Variants in MYT1L observed in about 807,000 individuals in gnomAD.
The protein encoded by MYT1L is myelin transcription factor 1-like protein.
Under a neutral mutation model 126.7 loss-of-function variants are expected in MYT1L, and 12 were observed. The ratio of observed to expected loss-of-function variants is 0.09; its 90% confidence interval spans 0.06 to 0.15. MYT1L has a LOEUF of 0.15. MYT1L is among the 10% of genes least tolerant of loss of function. The pLI is 1.00. For missense variants in MYT1L, 979 were observed against 1,585.2 expected (o/e 0.62, Z 6.49); for synonymous variants, 541 against 604.2 (o/e 0.90, Z 1.53).
chr2:1,962,357 A>G (rs2149390844), intron 8 of MYT1L, among the ~76,000 whole-genome samples: 1 of 152,342 alleles, frequency 6.6e-6, no homozygotes, highest in African/African-American at 2.4e-5. Context: ...AAATCAAAGT[A>G]TATACCTTAA....
intron 14 of MYT1L, among the ~76,000 whole-genome samples, chr2:1,898,649 T>C (rs1482728482): frequency 6.6e-6 from 1 of 151,794 alleles, no homozygotes; most frequent in African/African-American, 2.4e-5. Context: ...ACCCAAGAGG[T>C]GACACAGCCA....
intron 3 of MYT1L, among the ~76,000 whole-genome samples, chr2:2,054,797 G>C (rs72767355): frequency 1.3e-5 from 2 of 152,036 alleles, no homozygotes; most frequent in Non-Finnish European, 2.9e-5. Flanking sequence ...AGACACAAGA[G>C]ATGATGAGAC....
intron 3 of MYT1L, among the ~76,000 whole-genome samples, chr2:2,055,359 TATTA>T (rs1393145224): frequency 6.6e-6 from 1 of 152,240 alleles, no homozygotes; most frequent in Non-Finnish European, 1.5e-5. Context: ...AAGAGCATGT[TATTA>T]ATTAAAAAGC....
intron 2 of MYT1L, among the ~76,000 whole-genome samples, chr2:2,254,251 C>A (rs534212290): frequency 6.6e-6 from 1 of 152,260 alleles, no homozygotes; most frequent in East Asian, 1.9e-4. Flanking sequence ...TCAATTAATG[C>A]CGTTCATGGG....
chr2:2,168,357 C>T (rs2089499086), intron 3 of MYT1L, among the ~76,000 whole-genome samples: 2 of 152,210 alleles, frequency 1.3e-5, no homozygotes, highest in Non-Finnish European at 2.9e-5. Flanking sequence ...AAAAGTAATT[C>T]TTTCTGCTAC....
chr2:2,156,004 T>C (rs368932919), intron 3 of MYT1L, among the ~76,000 whole-genome samples: 21 of 152,298 alleles, frequency 1.4e-4, no homozygotes, highest in African/African-American at 4.6e-4. Context: ...TAGTGACCCA[T>C]AGTGACAAAA....
At chr2:1,869,667 C>A (rs577648293) in intron 18 of MYT1L, among the ~76,000 whole-genome samples, 1 of 152,194 alleles carries the variant, frequency 6.6e-6, no homozygotes, top group Non-Finnish European at 1.5e-5. Context: ...TGATTACCTA[C>A]GGTTTGCCAG....
At chr2:2,236,796 C>T (rs1015979742) in intron 2 of MYT1L, among the ~76,000 whole-genome samples, 1 of 16,408 alleles carries the variant, frequency 6.1e-5, no homozygotes, top group Non-Finnish European at 9.4e-5. Flanking sequence ...TCTTCTTCTT[C>T]TTCTTCTTCT....
chr2:2,159,794 T>C (rs563636042), intron 3 of MYT1L, among the ~76,000 whole-genome samples: 23 of 152,244 alleles, frequency 1.5e-4, no homozygotes, highest in Non-Finnish European at 2.8e-4. Flanking sequence ...CCTTGCCTAG[T>C]ACCTTTGCAT....
rs755512786 is a variant in MYT1L at position 1,912,142 on chromosome 2, T to G, written c.1619-32A>C. ...AGGGAGAGGCAAAGAGAACAGCCAG[T>G]GTTAAAACAGAGGCACGGTTAGGGC... On this transcript the variant is annotated intron_variant, in intron 11 of 24. Transcript: ENST00000647738. The surrounding 1 kb of genome is among the most constrained non-coding windows in gnomAD (Gnocchi z 4.3). The G allele has an allele frequency of 2.0e-6, 3 of 1,495,120 alleles. No individual in the cohort carries two copies. The Admixed American group carries it at 5.5e-5, about 27-fold the overall frequency. The allele number at this position is 1,495,120 out of a possible 1,614,324, so 92.6% of individuals were successfully genotyped here. A position where few individuals can be genotyped will look rare whatever the true frequency, so the allele number is the denominator to read the frequency against.
chr2:2,005,309 T>G (rs1259762084), intron 4 of MYT1L, among the ~76,000 whole-genome samples: 2 of 144,998 alleles, frequency 1.4e-5, no homozygotes, highest in Non-Finnish European at 1.5e-5. Context: ...CTTTCCTGCG[T>G]GCCTTCTTTC....
intron 8 of MYT1L, among the ~76,000 whole-genome samples, chr2:1,961,221 G>A (rs77467923): frequency 0.05 from 7,549 of 152,238 alleles, 569 homozygotes; most frequent in African/African-American, 0.17. Flanking sequence ...TGTACAGTAC[G>A]CAGGTGACGG....
rs1307020797 is a variant in MYT1L, at chr2:1,862,877, A to G, written c.2712-11174T>C. ...GGGAAAATCAAGAAGGAGAGAGGTG[A>G]GTAGGGAAGATGGGAGAAGAAGGAG... On this transcript the variant is annotated intron_variant, in intron 18 of 24. Transcript: ENST00000647738. Among the ~76,000 whole-genome samples, 3 of 152,146 alleles carry G rather than the reference A, an allele frequency of 2.0e-5. No individual in the cohort carries two copies. The East Asian group carries it at 5.8e-4, about 29-fold the overall frequency.
intron 4 of MYT1L, among the ~76,000 whole-genome samples, chr2:2,018,334 G>T (rs1419643021): frequency 6.6e-6 from 1 of 152,150 alleles, no homozygotes; most frequent in Non-Finnish European, 1.5e-5. Flanking sequence ...GGTCGAGTTT[G>T]GTGCATCCCA....
At chr2:1,883,339 T>C (rs150649852) in intron 18 of MYT1L, among the ~76,000 whole-genome samples, 58 of 152,296 alleles carry the variant, frequency 3.8e-4, no homozygotes, top group African/African-American at 1.2e-3. Flanking sequence ...ACGGCACACA[T>C]ATCTGGAAGC....
intron 9 of MYT1L, among the ~76,000 whole-genome samples, chr2:1,935,960 C>G (rs1015901230): frequency 2.6e-5 from 4 of 152,174 alleles, no homozygotes; most frequent in Admixed American, 2.6e-4. Flanking sequence ...CTCTTGTCAC[C>G]CAGGCTGGAG....
chr2:1,833,279 T>C (rs1404495357), intron 21 of MYT1L, among the ~76,000 whole-genome samples: 3 of 151,820 alleles, frequency 2.0e-5, no homozygotes, highest in African/African-American at 7.3e-5. Context: ...GGGGAGTGAG[T>C]GTTAGGTCTT....
rs769302181 is a variant in MYT1L at position 1,979,223 on chromosome 2, G to A, written c.94C>T (p.Pro32Ser). 6.2e-7 allele frequency: 1 copy of A among 1,613,816 alleles called. No homozygotes were observed. Among genetic ancestry groups the A allele is most frequent in the Non-Finnish European group, 8.5e-7 (1 of 1,179,822 alleles). Residue 32 changes from proline (P) to serine (S), a missense_variant, in exon 8 of 25, where the codon CCC becomes TCC. This residue lies in a region of MYT1L where 50 missense variants were observed against 48.6 expected (regional missense o/e 1.03). Transcript: ENST00000647738. This position sits in a 1 kb window ranked among gnomAD's most constrained non-coding sequence, Gnocchi z 4.0. ...CCACTGCCGTCACAGCCAGGGGTGG[G>A]ACAGCTGCAACAGGAAAGAATGGAT... ...EPAIQELFSC[P>S]TPGCDGSGHV...
Position 1,929,554 on chromosome 2 carries a change from G to T in MYT1L, c.506-6291C>A, listed in dbSNP as rs1006107581. Reference sequence around the variant, plus strand: ...ACATCTAACTCAGCAGTGCTTCTGTGTGTCTTATTTCCAGTATCATAGGAA... The same window carrying T: ...ACATCTAACTCAGCAGTGCTTCTGTTTGTCTTATTTCCAGTATCATAGGAA... On this transcript the variant is annotated intron_variant, in intron 9 of 24. Transcript: ENST00000647738. The surrounding 1 kb of genome is among the most constrained non-coding windows in gnomAD (Gnocchi z 4.7). Among the ~76,000 whole-genome samples the T allele has an allele frequency of 6.6e-5, 10 of 152,204 alleles. No individual in the cohort carries two copies. Among genetic ancestry groups the T allele is most frequent in the Admixed American group, 1.3e-4 (2 of 15,282 alleles).
Sources: allele counts gnomAD v4.1 joint callset (sites outside exome capture counted in the v4.1 genomes callset), GRCh38; gene constraint gnomAD v4.1.1; regional missense constraint gnomAD v4.1.1; non-coding constraint Gnocchi (gnomAD v3.1); transcripts MANE v1.5; gene names NCBI Gene and HGNC (gene_info 2026-07-23, HGNC 2026-07-21).